LYPD6B: variants seen among roughly 807,000 people sequenced by gnomAD.
LYPD6B encodes ly6/PLAUR domain-containing protein 6B.
LYPD6B carries 17 observed loss-of-function variants against 22.8 expected under a neutral mutation model. The ratio of observed to expected loss-of-function variants is 0.75; its 90% CI spans 0.51 to 1.12. The LOEUF is 1.12. LYPD6B is among the 50% of genes most tolerant of loss of function. LYPD6B has a pLI of 0.00. For synonymous variants in LYPD6B, 106 were observed against 91.6 expected, an observed-to-expected ratio of 1.16 and a Z score of -0.90; for missense variants, 221 against 258.3, an observed-to-expected ratio of 0.86 and a Z score of 0.99.
At chr2:149,108,902 C>T (rs1467548487) in intron 1 of LYPD6B, among the ~76,000 whole-genome samples, 1 of 152,036 alleles carries the variant, frequency 6.6e-6, no homozygotes, top group Non-Finnish European at 1.5e-5. Context: ...ACATCTTTAA[C>T]TTACCATTGT....
At chr2:149,149,709 C>A (rs1241534749) in intron 2 of LYPD6B, among the ~76,000 whole-genome samples, 1 of 152,152 alleles carries the variant, frequency 6.6e-6, no homozygotes, top group Admixed American at 6.5e-5. Context: ...CTGTGTATAA[C>A]CTCCCCTACT....
intron 5 of LYPD6B, among the ~76,000 whole-genome samples, chr2:149,211,312 T>C (rs1693838753): frequency 6.6e-6 from 1 of 152,116 alleles, no homozygotes; most frequent in Non-Finnish European, 1.5e-5. Flanking sequence ...TGGTTTAATA[T>C]TAAGTATACT....
chr2:149,046,416 A>G (rs1574866382), intron 1 of LYPD6B, among the ~76,000 whole-genome samples: 1 of 152,050 alleles, frequency 6.6e-6, no homozygotes, highest in Admixed American at 6.6e-5. Context: ...TGCTATTGAT[A>G]TGGCTTAATT....
chr2:149,122,566 C>T (rs1380446654), intron 1 of LYPD6B, among the ~76,000 whole-genome samples: 1 of 120,272 alleles, frequency 8.3e-6, no homozygotes, highest in Non-Finnish European at 1.7e-5. Flanking sequence ...CTATCCCTCC[C>T]CCCTCCCCCC....
At chr2:149,197,470 C>G (rs953276081) in intron 3 of LYPD6B, among the ~76,000 whole-genome samples, 10 of 152,184 alleles carry the variant, frequency 6.6e-5, no homozygotes, top group Admixed American at 5.9e-4. Context: ...CGAGATCGCA[C>G]CACTGCACTC....
chr2:149,160,739 C>T, intron 2 of LYPD6B, 25 bp from the exon 3 acceptor site: 1 of 1,525,790 alleles, frequency 6.6e-7, no homozygotes, highest in East Asian at 2.4e-5. Flanking sequence ...GTGGCTCTTT[C>T]CTTATCTTTT....
At position 149,063,662 on chromosome 2, in the gene LYPD6B, C is replaced by G. The variant is rs544866679; in HGVS notation, c.-67+24861C>G. On this transcript the variant is annotated intron_variant, in intron 1 of 6. Coordinates refer to ENST00000409642, the MANE Select transcript of LYPD6B (RefSeq NM_177964.5). The stretch of plus-strand genomic sequence containing the variant: ...AGTAGTGAGAAAGGATTATTTAACA[C>G]AGGGGTTGAACATAATAAAGTATCA... Among the ~76,000 whole-genome samples the G allele has an allele frequency of 5.9e-5, 9 of 152,286 alleles. No individual in the cohort carries two copies. In the South Asian group the frequency reaches 8.3e-4, roughly 14 times the overall value.
chr2:149,175,049 C>G (rs1156367925), intron 3 of LYPD6B, among the ~76,000 whole-genome samples: 220 of 135,680 alleles, frequency 1.6e-3, no homozygotes, highest in South Asian at 5.5e-3. Context: ...CTCTCTCTCT[C>G]TCTCTCTCTC....
chr2:149,182,439 G>A (rs1691804636), intron 3 of LYPD6B, among the ~76,000 whole-genome samples: 1 of 152,194 alleles, frequency 6.6e-6, no homozygotes, highest in Non-Finnish European at 1.5e-5. Context: ...GCTGGCAGTA[G>A]CAGCCATTTA....
intron 1 of LYPD6B, among the ~76,000 whole-genome samples, chr2:149,069,568 G>A (rs975839679): frequency 6.6e-6 from 1 of 152,130 alleles, no homozygotes; most frequent in Non-Finnish European, 1.5e-5. Flanking sequence ...AGCTGGTTGG[G>A]CAGGAAGGAT....
At chr2:149,044,947 A>G (rs1484266499) in intron 1 of LYPD6B, among the ~76,000 whole-genome samples, 5 of 152,040 alleles carry the variant, frequency 3.3e-5, no homozygotes, top group Non-Finnish European at 1.5e-5. Context: ...CATTCTCTGG[A>G]TAAATTCCAC....
chr2:149,102,814 T>C (rs1686277564), intron 1 of LYPD6B, among the ~76,000 whole-genome samples: 1 of 152,130 alleles, frequency 6.6e-6, no homozygotes, highest in African/African-American at 2.4e-5. Context: ...ATTTGTTTTG[T>C]AGAGACAGGG....
At position 149,214,552 on chromosome 2, in the gene LYPD6B, AGGTCT is replaced by A; in HGVS notation, c.467_471del (p.Arg156MetfsTer3). On this transcript the variant is annotated frameshift_variant, in exon 7 of 7. Transcript: ENST00000409642. LOFTEE classifies it high-confidence loss of function. ...CTCTCCTTTTTTGTAACAGGAGTGTAGGTCTTGCTGTGAAGGAATGATCTGCAATG... is the reference window on the plus strand; with the variant it reads ...CTCTCCTTTTTTGTAACAGGAGTGTATGCTGTGAAGGAATGATCTGCAATG... The A allele has an allele frequency of 6.2e-7, 1 of 1,613,700 alleles. No homozygotes were observed. The highest frequency in any genetic ancestry group is 8.5e-7 in the Non-Finnish European group (1 of 1,179,692).
At position 149,160,799 on chromosome 2, in the gene LYPD6B, C is replaced by T; in HGVS notation, c.41C>T (p.Pro14Leu). The change falls in exon 3 of 7, where the codon CCA becomes CTA. Residue 14 changes from proline (P) to leucine (L), a missense_variant. By Grantham distance (98) the Pro-to-Leu change is moderately conservative. Coordinates refer to ENST00000409642, the MANE Select transcript of LYPD6B (RefSeq NM_177964.5). Reference sequence around the variant, plus strand: ...CTGAGTGCAAACCTTTTCACTGTTCCAGAGAGGAGCCTGACAACCACATTC... The same window carrying T: ...CTGAGTGCAAACCTTTTCACTGTTCTAGAGAGGAGCCTGACAACCACATTC... ...ITLSANLFTV[P>L]ERSLTTTFSF... The T allele has an allele frequency of 6.4e-7, 1 of 1,556,412 alleles. No homozygotes were observed. The highest frequency in any genetic ancestry group is 8.7e-7 in the Non-Finnish European group (1 of 1,148,830).
intron 3 of LYPD6B, among the ~76,000 whole-genome samples, chr2:149,170,618 T>A (rs1164098947): frequency 6.6e-6 from 1 of 152,236 alleles, no homozygotes; most frequent in Non-Finnish European, 1.5e-5. Flanking sequence ...ATTACAGATC[T>A]AGAGACACAT....
intron 3 of LYPD6B, among the ~76,000 whole-genome samples, chr2:149,197,426 C>T (rs1199959431): frequency 6.6e-6 from 1 of 152,160 alleles, no homozygotes; most frequent in African/African-American, 2.4e-5. Flanking sequence ...GCAGGAGAAT[C>T]GCTTGAACCT....
At chr2:149,150,993 G>A (rs1689334644) in intron 2 of LYPD6B, among the ~76,000 whole-genome samples, 2 of 151,988 alleles carry the variant, frequency 1.3e-5, no homozygotes, top group Non-Finnish European at 2.9e-5. Flanking sequence ...TATTGCATCT[G>A]TAAAACAATA....
chr2:149,064,142 A>G (rs1409016360), intron 1 of LYPD6B, among the ~76,000 whole-genome samples: 1 of 152,182 alleles, frequency 6.6e-6, no homozygotes, highest in Non-Finnish European at 1.5e-5. Context: ...AGCAGCACAG[A>G]CTTTGACACT....
At chr2:149,058,937 T>A (rs1263462289) in intron 1 of LYPD6B, among the ~76,000 whole-genome samples, 1 of 152,212 alleles carries the variant, frequency 6.6e-6, no homozygotes, top group Non-Finnish European at 1.5e-5. Flanking sequence ...TTCACTCTTC[T>A]TGGATATAGT....
Sources: allele counts gnomAD v4.1 joint callset (sites outside exome capture counted in the v4.1 genomes callset), GRCh38; gene constraint gnomAD v4.1.1; transcripts MANE v1.5; gene names NCBI Gene and HGNC (gene_info 2026-07-23, HGNC 2026-07-21).